The following STON2 variants were observed in gnomAD, a reference collection of about 807,000 sequenced individuals.
STON2 encodes stonin-2.
STON2 carries 29 observed loss-of-function variants against 65.7 expected under a neutral mutation model. That is an observed-to-expected ratio of 0.44 (90% CI 0.33 to 0.60). STON2 has a LOEUF of 0.60. STON2 is among the 20% of genes least tolerant of loss of function. STON2 has a pLI of 0.03. For synonymous variants in STON2, 404 were observed against 414.2 expected, an observed-to-expected ratio of 0.98 and a Z score of 0.30; for missense variants, 1,054 against 1,118.1, an observed-to-expected ratio of 0.94 and a Z score of 0.82.
At chr14:81,284,824 T>C (rs138216186) in intron 5 of STON2, among the ~76,000 whole-genome samples, 120 of 152,314 alleles carry the variant, frequency 7.9e-4, no homozygotes, top group Non-Finnish European at 7.8e-4. Flanking sequence ...TGACTTTAAG[T>C]TGAAGCCATT....
chr14:81,372,984 C>A (rs1232990288), intron 3 of STON2, among the ~76,000 whole-genome samples: 2 of 152,122 alleles, frequency 1.3e-5, no homozygotes, highest in East Asian at 3.8e-4. Context: ...ATCCTCTTTT[C>A]TTTAAAAATG....
At chr14:81,398,747 A>T (rs375798612) in intron 1 of STON2, among the ~76,000 whole-genome samples, 167 bp from the exon 2 acceptor site, 3 of 152,134 alleles carry the variant, frequency 2.0e-5, no homozygotes, top group South Asian at 2.1e-4. Flanking sequence ...TTATACTGAA[A>T]TGTCTGTCTT....
intron 2 of STON2, among the ~76,000 whole-genome samples, chr14:81,413,850 A>C (rs1375358747): frequency 3.6e-5 from 5 of 140,408 alleles, no homozygotes; most frequent in Non-Finnish European, 7.5e-5. Context: ...TGAAGAAAAC[A>C]AAGCTTTCTC....
chr14:81,405,157 T>C (rs1438092896), upstream of STON2, among the ~76,000 whole-genome samples: 2 of 152,196 alleles, frequency 1.3e-5, no homozygotes, highest in African/African-American at 4.8e-5. Flanking sequence ...TAAGTCAGTA[T>C]TTCTTCAAAT....
intron 5 of STON2, among the ~76,000 whole-genome samples, chr14:81,293,963 T>C (rs1449311260): frequency 6.6e-6 from 1 of 152,212 alleles, no homozygotes; most frequent in Non-Finnish European, 1.5e-5. Flanking sequence ...TAAAAGCTGA[T>C]ACACCAACTT....
intron 4 of STON2, among the ~76,000 whole-genome samples, chr14:81,353,928 A>G (rs964043810): frequency 3.4e-4 from 52 of 152,320 alleles, no homozygotes; most frequent in Non-Finnish European, 1.8e-4. Context: ...CATACCTAGG[A>G]GTTTCAACAG....
At chr14:81,290,173 A>G (rs376980667) in intron 5 of STON2, among the ~76,000 whole-genome samples, 8 of 152,166 alleles carry the variant, frequency 5.3e-5, no homozygotes, top group Admixed American at 4.6e-4. Flanking sequence ...CTGAGAGTGG[A>G]GCTTGGTAGT....
In STON2 at chr14:81,266,998, AT is replaced by A; in HGVS notation, c.*1415del. 1 of 985,414 alleles carries A rather than the reference AT, an allele frequency of 1.0e-6. No individual in the cohort carries two copies. The highest frequency in any genetic ancestry group is 1.2e-6 in the Non-Finnish European group (1 of 829,902). 61.0% of individuals were successfully genotyped at this position (985,414 alleles called of 1,614,324 possible). A position where few individuals can be genotyped will look rare whatever the true frequency, so the allele number is the denominator to read the frequency against. On this transcript the variant is annotated 3_prime_UTR_variant, in exon 8 of 8. Coordinates refer to ENST00000614646, the MANE Select transcript of STON2 (RefSeq NM_001394390.1). ...TTTCTATATCCCAGTGTCAATACAC[AT>A]TTAGACTCCAATGATTGTTCATTGA...
chr14:81,275,988 A>G (rs1267038496), intron 6 of STON2, among the ~76,000 whole-genome samples: 10 of 152,216 alleles, frequency 6.6e-5, no homozygotes, highest in African/African-American at 2.4e-4. Context: ...TAGCGTATCC[A>G]CTTTCGTTAA....
At chr14:81,324,676 C>G (rs1400130156) in intron 4 of STON2, among the ~76,000 whole-genome samples, 1 of 152,170 alleles carries the variant, frequency 6.6e-6, no homozygotes, top group Non-Finnish European at 1.5e-5. Context: ...TCTCCCAGTG[C>G]CTATGGACTT....
intron 1 of STON2, among the ~76,000 whole-genome samples, chr14:81,432,769 C>T (rs971672879): frequency 6.6e-6 from 1 of 152,224 alleles, no homozygotes; most frequent in South Asian, 2.1e-4. Context: ...ATTTAATATA[C>T]ACCTAGAGAC....
chr14:81,343,416 C>T (rs76802285), intron 4 of STON2, among the ~76,000 whole-genome samples: 3,920 of 152,160 alleles, frequency 0.026, 164 homozygotes, highest in East Asian at 0.16. Context: ...GTAAACCTGG[C>T]AGCATCTCCC....
chr14:81,423,984 G>A (rs978585691), intron 2 of STON2, among the ~76,000 whole-genome samples: 1 of 152,148 alleles, frequency 6.6e-6, no homozygotes, highest in African/African-American at 2.4e-5. Flanking sequence ...ATGCACTACT[G>A]ACATCCCCTA....
chr14:81,268,944 G>GAATTTATCATTC, intron 7 of STON2, among the ~76,000 whole-genome samples: 3 of 152,268 alleles, frequency 2.0e-5, no homozygotes, highest in South Asian at 4.1e-4. Context: ...AATCGACAAA[G>GAATTTATCATTC]ATTTATCAAA....
At chr14:81,279,776 CACTAAGTGGATGCTTAGTGAA>C (rs1895033592) in intron 5 of STON2, among the ~76,000 whole-genome samples, 1 of 151,788 alleles carries the variant, frequency 6.6e-6, no homozygotes, top group African/African-American at 2.4e-5. Flanking sequence ...ATAATAGGAG[CACTAAGTGGATGCTTAGTGAA>C]ACTAAGTTGC....
chr14:81,369,623 A>G (rs1898897065), intron 4 of STON2, among the ~76,000 whole-genome samples: 2 of 152,154 alleles, frequency 1.3e-5, no homozygotes, highest in East Asian at 1.9e-4. Context: ...TCTCATTTGG[A>G]GATGATAACT....
rs972324795 is a variant in STON2 at position 81,265,094 on chromosome 14, A to C, written c.*3320T>G. The stretch of plus-strand genomic sequence containing the variant: ...TGTGACCACAAAAAAAAAAAATAAA[A>C]AGTCCAGGTCCAGGGTTGCAAAAGT... On this transcript the variant is annotated 3_prime_UTR_variant, in exon 8 of 8. Transcript: ENST00000614646. 3 of 985,164 alleles carry C rather than the reference A, an allele frequency of 3.0e-6. No homozygotes were observed. The highest frequency in any genetic ancestry group is 2.3e-4 in the East Asian group (2 of 8,810). The allele number at this position is 985,164 out of a possible 1,614,324, so 61.0% of individuals were successfully genotyped here. A position where few individuals can be genotyped will look rare whatever the true frequency, so the allele number is the denominator to read the frequency against.
intron 4 of STON2, among the ~76,000 whole-genome samples, chr14:81,329,568 G>A (rs1182524897): frequency 1.3e-5 from 2 of 152,100 alleles, no homozygotes; most frequent in African/African-American, 4.8e-5. Context: ...AGGACTGCCA[G>A]CAACTAGAAG....
rs1595460596 is a variant in STON2 at position 81,413,866 on chromosome 14, T to C, written c.-199+13236A>G. 1.4e-5 allele frequency among the ~76,000 whole-genome samples: 2 copies of C among 140,468 alleles called. 1 individual carries two copies. The highest frequency in any genetic ancestry group is 5.8e-5 in the African/African-American group (2 of 34,384). 92.2% of individuals were successfully genotyped at this position (140,468 alleles called of 152,430 possible). ...GAAGAAAACAAAGCTTTCTCACTGT[T>C]GTAATTTAAAATATTAGCAACATTT... On this transcript the variant is annotated intron_variant, in intron 2 of 8. Coordinates refer to the STON2 transcript ENST00000553821.
Sources: gnomAD v4.1 joint callset for allele counts (sites outside exome capture counted in the v4.1 genomes callset) on GRCh38, gnomAD v4.1.1 for gene constraint, MANE v1.5 for transcripts, NCBI Gene and HGNC (gene_info 2026-07-23, HGNC 2026-07-21) for gene names.